The following RBFOX3 variants were observed in gnomAD, a reference collection of about 807,000 sequenced individuals.
The protein encoded by RBFOX3 is RNA binding protein fox-1 homolog 3.
Under a neutral mutation model 48.7 loss-of-function variants are expected in RBFOX3, and 17 were observed. The ratio of observed to expected loss-of-function variants is 0.35; its 90% confidence interval spans 0.24 to 0.52. The LOEUF (loss-of-function observed/expected upper bound fraction) is 0.52, where lower values mean the gene tolerates loss of function less well. Among genes scored for constraint, RBFOX3 ranks in the 20% least tolerant of loss-of-function variants. RBFOX3 has a pLI of 0.94. For missense variants in RBFOX3, 382 were observed against 497.5 expected, an observed-to-expected ratio of 0.77 and a Z score of 2.21; for synonymous variants, 212 against 209.5, an observed-to-expected ratio of 1.01 and a Z score of -0.10.
At chr17:79,437,296 T>C (rs2069711629) in intron 2 of RBFOX3, among the ~76,000 whole-genome samples, 1 of 152,182 alleles carries the variant, frequency 6.6e-6, no homozygotes, top group Non-Finnish European at 1.5e-5. Context: ...ATGCAAATAT[T>C]GTCCGTTCCA....
At chr17:79,182,911 G>C (rs2052433268) in intron 4 of RBFOX3, among the ~76,000 whole-genome samples, 1 of 151,018 alleles carries the variant, frequency 6.6e-6, no homozygotes, top group South Asian at 2.1e-4. Flanking sequence ...CAGCGGCCCG[G>C]CGCGAAGTTC....
In RBFOX3 at chr17:79,246,937, C is replaced by T. The variant is rs964918488; in HGVS notation, c.-73-11132G>A. Among the ~76,000 whole-genome samples, 7 of 152,150 alleles carry T rather than the reference C, an allele frequency of 4.6e-5. No homozygotes were observed. In the East Asian group the frequency reaches 1.3e-3, roughly 29 times the overall value. On this transcript the variant is annotated intron_variant, in intron 3 of 14. Transcript: ENST00000693108. ...ACAGGGCAGACGGCACCACTCAGCACGCAGGCAGCTGGAGAACGCCGGCTT... is the reference window on the plus strand; with the variant it reads ...ACAGGGCAGACGGCACCACTCAGCATGCAGGCAGCTGGAGAACGCCGGCTT...
chr17:79,309,372 C>A (rs2076534046), intron 2 of RBFOX3, among the ~76,000 whole-genome samples: 1 of 152,082 alleles, frequency 6.6e-6, no homozygotes, highest in South Asian at 2.1e-4. Context: ...GCCCCGTGGG[C>A]ACTGCCCCAT....
intron 2 of RBFOX3, among the ~76,000 whole-genome samples, chr17:79,319,360 G>A (rs796655035): frequency 5.9e-5 from 9 of 152,316 alleles, no homozygotes; most frequent in South Asian, 2.1e-4. Context: ...GAGGCAGAAC[G>A]GGGGCTCCTG....
At chr17:79,238,528 C>T (rs1433226982) in intron 3 of RBFOX3, among the ~76,000 whole-genome samples, 1 of 152,238 alleles carries the variant, frequency 6.6e-6, no homozygotes, top group Non-Finnish European at 1.5e-5. Context: ...GCTCTATGCC[C>T]AAGCCCTTAG....
intron 3 of RBFOX3, among the ~76,000 whole-genome samples, chr17:79,271,084 T>TTC (rs2067598931): frequency 4.5e-5 from 1 of 22,334 alleles, no homozygotes; most frequent in Non-Finnish European, 1.3e-4. Flanking sequence ...AAGATTTTTT[T>TTC]TTTTTTTTGA....
At chr17:79,606,349 C>T (rs1402361045) in intron 1 of RBFOX3, among the ~76,000 whole-genome samples, 1 of 152,186 alleles carries the variant, frequency 6.6e-6, no homozygotes, top group Non-Finnish European at 1.5e-5. Flanking sequence ...CAGTGGAGCA[C>T]ATCCCTAGGC....
At chr17:79,289,180 C>T (rs1018529781) in intron 3 of RBFOX3, among the ~76,000 whole-genome samples, 5 of 152,212 alleles carry the variant, frequency 3.3e-5, no homozygotes, top group African/African-American at 7.2e-5. Context: ...CAATACGTTC[C>T]GCACAGCCTC....
intron 2 of RBFOX3, among the ~76,000 whole-genome samples, chr17:79,413,773 C>T (rs574145491): frequency 5.9e-5 from 9 of 152,338 alleles, no homozygotes; most frequent in African/African-American, 1.4e-4. Flanking sequence ...GCACCCAGCC[C>T]GGGCCATCCT....
At chr17:79,614,641 C>T (rs2093987237), upstream of RBFOX3, among the ~76,000 whole-genome samples, 1 of 152,100 alleles carries the variant, frequency 6.6e-6, no homozygotes, top group East Asian at 1.9e-4. Context: ...AATATCCTCC[C>T]AGAGATCAGA....
At chr17:79,414,384 G>A (rs1411815885) in intron 2 of RBFOX3, among the ~76,000 whole-genome samples, 1 of 152,118 alleles carries the variant, frequency 6.6e-6, no homozygotes, top group African/African-American at 2.4e-5. Context: ...TTTTAATTAT[G>A]AATAATTTCC....
At chr17:79,118,431 A>C (rs574092224) in intron 4 of RBFOX3, among the ~76,000 whole-genome samples, 34 of 152,114 alleles carry the variant, frequency 2.2e-4, no homozygotes, top group African/African-American at 8.0e-4. Flanking sequence ...GAAGGGGTGG[A>C]TCCATGAGGG....
intron 2 of RBFOX3, among the ~76,000 whole-genome samples, chr17:79,406,814 G>A (rs1467300579): frequency 2.6e-5 from 4 of 152,170 alleles, no homozygotes; most frequent in African/African-American, 4.8e-5. Context: ...AATGCTGGAT[G>A]CTTACTGAGC....
chr17:79,094,037 G>A (rs1172907001), intron 14 of RBFOX3, among the ~76,000 whole-genome samples: 1 of 152,148 alleles, frequency 6.6e-6, no homozygotes, highest in Non-Finnish European at 1.5e-5. Flanking sequence ...TGGGCCGTGG[G>A]TATGCGGTGT....
chr17:79,113,035 A>G (rs1216683058), intron 5 of RBFOX3, among the ~76,000 whole-genome samples: 2 of 151,754 alleles, frequency 1.3e-5, no homozygotes, highest in Non-Finnish European at 2.9e-5. Context: ...GCAGGTCTGG[A>G]CCAAAGCTCT....
At chr17:79,393,125 T>C (rs534085878) in intron 2 of RBFOX3, among the ~76,000 whole-genome samples, 3 of 152,288 alleles carry the variant, frequency 2.0e-5, no homozygotes, top group African/African-American at 7.2e-5. Context: ...CAATGAACTG[T>C]GATATGAGCA....
At position 79,183,201 on chromosome 17, in the gene RBFOX3, G is replaced by GGCGGCAGCGCGGGGCGCAC. The variant is rs2052545484; in HGVS notation, c.-34+52546_-34+52564dup. Reference sequence around the variant, plus strand: ...CAGAGGCGGCCAAGTGCGGGGCGTGGGCGGCAGCGCGGGGCGCACGTGCGC... The same window carrying GGCGGCAGCGCGGGGCGCAC: ...CAGAGGCGGCCAAGTGCGGGGCGTGGGCGGCAGCGCGGGGCGCACGCGGCAGCGCGGGGCGCACGTGCGC... On this transcript the variant is annotated intron_variant, in intron 4 of 14. Coordinates refer to ENST00000693108, the MANE Select transcript of RBFOX3 (RefSeq NM_001350451.2). The GGCGGCAGCGCGGGGCGCAC allele has an allele frequency of 2.0e-5, 3 of 149,068 alleles. No individual in the cohort carries two copies. In the South Asian group the frequency reaches 5.3e-4, roughly 26 times the overall value. The allele number at this position is 149,068 out of a possible 1,614,324, so 9.2% of individuals were successfully genotyped here.
At position 79,212,361 on chromosome 17, in the gene RBFOX3, T is replaced by C. The variant is rs1298843898; in HGVS notation, c.-34+23405A>G. ...CCTGGGAGGAAGGAAGGGGCCGCAC[T>C]TGCTCCAGCCTCTCTGGCTGCTCCT... is the stretch of plus-strand genomic sequence containing the variant. On this transcript the variant is annotated intron_variant, in intron 4 of 14. Transcript: ENST00000693108. The surrounding 1 kb of genome is among the most constrained non-coding windows in gnomAD (Gnocchi z 4.7). 1.3e-5 allele frequency among the ~76,000 whole-genome samples: 2 copies of C among 152,124 alleles called. No individual in the cohort carries two copies. Among genetic ancestry groups the C allele is most frequent in the South Asian group, 2.1e-4 (1 of 4,830 alleles).
chr17:79,160,079 C>A (rs140276784), intron 4 of RBFOX3, among the ~76,000 whole-genome samples: 352 of 152,338 alleles, frequency 2.3e-3, no homozygotes, highest in African/African-American at 7.2e-3. Flanking sequence ...AGGAACGCTC[C>A]GCTCGAGTAG....
Sources: gnomAD v4.1 joint callset for allele counts (sites outside exome capture counted in the v4.1 genomes callset) on GRCh38, gnomAD v4.1.1 for gene constraint, Gnocchi (gnomAD v3.1) non-coding constraint, MANE v1.5 for transcripts, NCBI Gene and HGNC (gene_info 2026-07-23, HGNC 2026-07-21) for gene names.